Variants in MUCL3 observed in about 807,000 individuals in gnomAD.
MUCL3 encodes the protein mucin like 3.
Under a neutral mutation model 70.2 loss-of-function variants are expected in MUCL3, and 42 were observed. The observed-to-expected ratio is 0.60, with a 90% CI of 0.47 to 0.77. MUCL3 has a LOEUF of 0.77. Among genes scored for constraint, MUCL3 ranks in the 30% least tolerant of loss-of-function variants. The pLI is 0.00. For missense variants in MUCL3, 1,429 were observed against 1,670.0 expected, an observed-to-expected ratio of 0.86 and a Z score of 2.52; for synonymous variants, 522 against 647.0, an observed-to-expected ratio of 0.81 and a Z score of 2.93.
rs1760733804 is a variant in MUCL3, at chr6:30,952,038, G to C, written c.3574G>C (p.Glu1192Gln). 6.2e-7 allele frequency: 1 copy of C among 1,611,002 alleles called. No individual in the cohort carries two copies. Among genetic ancestry groups the C allele is most frequent in the African/African-American group, 1.3e-5 (1 of 74,236 alleles). The change falls in exon 2 of 3, where the codon GAG (glutamate) becomes CAG (glutamine). Residue 1192 changes from glutamate (E) to glutamine (Q), a missense_variant. Physicochemically the swap from Glu to Gln is conservative, Grantham distance 29. Transcript: ENST00000462446. ...CCCAGAAAAGCCTACGCTATACTCA[G>C]AGAAGACCATATGCACCAAAGGGAA... is the stretch of plus-strand genomic sequence containing the variant. ...RTPEKPTLYS[E>Q]KTICTKGKNT... is the part of the protein sequence containing the mutation.
chr6:30,946,578 C>T (rs1795790796), intron 1 of MUCL3, among the ~76,000 whole-genome samples: 1 of 152,222 alleles, frequency 6.6e-6, no homozygotes, highest in South Asian at 2.1e-4. Context: ...CCTTTCCCCA[C>T]CTGTAAAACA....
Position 30,951,887 on chromosome 6 carries a change from C to A in MUCL3, c.3423C>A (p.Ala1141=). 4 of 1,613,238 alleles carry A rather than the reference C, an allele frequency of 2.5e-6. No individual in the cohort carries two copies. Among genetic ancestry groups the A allele is most frequent in the Non-Finnish European group, 3.4e-6 (4 of 1,179,650 alleles). Reference sequence around the variant, plus strand: ...CATCAGCCAATGTGATCACACCAGCCCCAGCAGAGCCTATAAAACATGCAA... The same window carrying A: ...CATCAGCCAATGTGATCACACCAGCACCAGCAGAGCCTATAAAACATGCAA... The part of the protein sequence containing the change: ...RATSANVITP[A]PAEPIKHAKR... The change falls in exon 2 of 3, where the codon GCC becomes GCA. Residue 1141 remains alanine, a synonymous_variant. Coordinates refer to ENST00000462446, the MANE Select transcript of MUCL3 (RefSeq NM_080870.4).
Position 30,950,398 on chromosome 6 carries a change from G to A in MUCL3, c.1934G>A (p.Arg645Lys), listed in dbSNP as rs1240294787. ...TCCCCAGCAGGGCCTACAGAAAATA[G>A]AGAAATGACAGCCAACGAGAAGACC... ...TPSPAGPTEN[R>K]EMTANEKTTL... is the part of the protein sequence containing the mutation. The change falls in exon 2 of 3, where the codon AGA becomes AAA. Residue 645 changes from arginine (R) to lysine (K), a missense_variant. Coordinates refer to ENST00000462446, the MANE Select transcript of MUCL3 (RefSeq NM_080870.4). The A allele has an allele frequency of 6.5e-7, 1 of 1,549,936 alleles. No homozygotes were observed. Among genetic ancestry groups the A allele is most frequent in the Non-Finnish European group, 8.7e-7 (1 of 1,146,532 alleles).
chr6:30,943,860 T>TC (rs1437777783), intron 1 of MUCL3, among the ~76,000 whole-genome samples: 1 of 142,054 alleles, frequency 7.0e-6, no homozygotes, highest in East Asian at 2.2e-4. Context: ...TAGCTTTCCT[T>TC]TTTTTTTTTT....
chr6:30,952,429 C>T lies in MUCL3; in HGVS notation c.3965C>T (p.Ala1322Val). The change falls in exon 2 of 3, where the codon GCA becomes GTA. Residue 1322 changes from alanine to valine, a missense_variant. Ala to Val is a moderately conservative substitution (Grantham distance 64, BLOSUM62 0). Coordinates refer to ENST00000462446, the MANE Select transcript of MUCL3 (RefSeq NM_080870.4). ...GQMGENDSFP[A>V]WAIVIVVLVA... Reference sequence around the variant, plus strand: ...ATGGGAGAGAATGATTCATTCCCTGCATGGGCCATAGTTATTGTGGTCCTG... The same window carrying T: ...ATGGGAGAGAATGATTCATTCCCTGTATGGGCCATAGTTATTGTGGTCCTG... The T allele has an allele frequency of 6.2e-7, 1 of 1,613,858 alleles. No homozygotes were observed. The highest frequency in any genetic ancestry group is 1.3e-5 in the African/African-American group (1 of 75,018).
rs374902569 is a variant in MUCL3, at chr6:30,948,876, C to T, written c.412C>T (p.Arg138Cys). 17 of 1,551,446 alleles carry T rather than the reference C, an allele frequency of 1.1e-5. No individual in the cohort carries two copies. The highest frequency in any genetic ancestry group is 4.1e-5 in the African/African-American group (3 of 73,094). ...GAAAGACCCAATGATCCGGAACCAG[C>T]GCTCTGTTGATCCTGCTGACTCCAC... is the stretch of plus-strand genomic sequence containing the variant. ...QGKDPMIRNQRSVDPADSTTT... is the reference protein window; with the variant it reads ...QGKDPMIRNQCSVDPADSTTT... Residue 138 changes from arginine (R) to cysteine (C), a missense_variant, in exon 2 of 3, where the codon CGC becomes TGC. Transcript: ENST00000462446.
Position 30,950,560 on chromosome 6 carries a change from A to T in MUCL3, c.2096A>T (p.Glu699Val). 1 of 1,549,638 alleles carries T rather than the reference A, an allele frequency of 6.5e-7. No individual in the cohort carries two copies. Among genetic ancestry groups the T allele is most frequent in the South Asian group, 1.2e-5 (1 of 83,954 alleles). ...GAGAAAACCACATCATCCTCAGCAG[A>T]GCCTACAGAACACGGAGAAAGGACC... is the stretch of plus-strand genomic sequence containing the variant. ...ANEKTTSSSA[E>V]PTEHGERTPL... The change falls in exon 2 of 3, where the codon GAG becomes GTG. Residue 699 changes from glutamate (E) to valine (V), a missense_variant. Transcript: ENST00000462446.
At chr6:30,947,744 C>T (rs1056614434) in intron 1 of MUCL3, among the ~76,000 whole-genome samples, 3 of 151,568 alleles carry the variant, frequency 2.0e-5, no homozygotes, top group Non-Finnish European at 4.4e-5. Flanking sequence ...TCATCTATCC[C>T]CAGTTGGCTT....
At chr6:30,952,943 C>T in intron 2 of MUCL3, 28 bp from the exon 3 acceptor site, 4 of 1,612,070 alleles carry the variant, frequency 2.5e-6, no homozygotes, top group Non-Finnish European at 2.5e-6. Context: ...AGATGGTTCT[C>T]ATTCCTCCTT....
At chr6:30,942,903 G>A (rs1054590866) in intron 1 of MUCL3, among the ~76,000 whole-genome samples, 2 of 152,166 alleles carry the variant, frequency 1.3e-5, no homozygotes, top group East Asian at 3.8e-4. Context: ...GTGGCTGGGC[G>A]GCATGGAGGG....
At chr6:30,942,449 A>G (rs181366003) in intron 1 of MUCL3, among the ~76,000 whole-genome samples, 3 of 152,310 alleles carry the variant, frequency 2.0e-5, no homozygotes, top group South Asian at 2.1e-4. Flanking sequence ...AGAGCCATCC[A>G]CAGGGTGATA....
rs1027298874 is a variant in MUCL3 at position 30,950,844 on chromosome 6, A to G, written c.2380A>G (p.Thr794Ala). The change falls in exon 2 of 3, where the codon ACC (threonine) becomes GCC (alanine). Residue 794 changes from threonine (T) to alanine (A), a missense_variant. Coordinates refer to ENST00000462446, the MANE Select transcript of MUCL3 (RefSeq NM_080870.4). Reference protein sequence around the residue: ...GKRTPFANEKTTSSSAEPTEH... With the variant: ...GKRTPFANEKATSSSAEPTEH... ...AAGGACCCCATTTGCCAATGAGAAG[A>G]CCACATCATCCTCAGCAGAGCCTAC... 3.2e-6 allele frequency: 5 copies of G among 1,549,964 alleles called. No individual in the cohort carries two copies. The highest frequency in any genetic ancestry group is 1.4e-5 in the African/African-American group (1 of 72,240).
chr6:30,948,556 C>T lies in MUCL3; in HGVS notation c.92C>T (p.Thr31Ile), dbSNP rs543981699. ...LLASWGAGAT[T>I]FQEYQKTGEL... ...CTCTCTCCCTCCACAGGTGCTACTA[C>T]ATTCCAAGAATATCAGAAAACTGGG... The change falls in exon 2 of 3, where the codon ACA becomes ATA. Residue 31 changes from threonine (T) to isoleucine (I), a missense_variant. Thr to Ile is a moderately conservative substitution (Grantham distance 89). Transcript: ENST00000462446. 179 of 1,534,450 alleles carry T rather than the reference C, an allele frequency of 1.2e-4. No individual in the cohort carries two copies. The highest frequency in any genetic ancestry group is 1.5e-4 in the Admixed American group (7 of 46,700).
Position 30,950,877 on chromosome 6 carries a change from G to A in MUCL3, c.2413G>A (p.Ala805Thr), listed in dbSNP as rs370670795. The change falls in exon 2 of 3, where the codon GCA becomes ACA. Residue 805 changes from alanine (A) to threonine (T), a missense_variant. By Grantham distance (58) the Ala-to-Thr change is moderately conservative (BLOSUM62 0). Coordinates refer to ENST00000462446, the MANE Select transcript of MUCL3 (RefSeq NM_080870.4). ...TSSSAEPTEHAERTPLANENT... is the reference protein window; with the variant it reads ...TSSSAEPTEHTERTPLANENT... ...ATCCTCAGCAGAGCCTACAGAACAC[G>A]CAGAAAGGACTCCACTGGCCAATGA... 52 of 1,548,400 alleles carry A rather than the reference G, an allele frequency of 3.4e-5. 2 individuals carry two copies. Among genetic ancestry groups the A allele is most frequent in the African/African-American group, 2.1e-4 (15 of 71,576 alleles).
chr6:30,944,773 T>C (rs183418864), intron 1 of MUCL3, among the ~76,000 whole-genome samples: 1 of 152,386 alleles, frequency 6.6e-6, no homozygotes, highest in East Asian at 1.9e-4. Context: ...CTTTTCGGGC[T>C]ATGATGGTTG....
At chr6:30,952,523 G>T (rs770309840) in intron 2 of MUCL3, 24 bp downstream of exon 2, 1 of 1,561,012 alleles carries the variant, frequency 6.4e-7, no homozygotes. Flanking sequence ...GTGCCCCACA[G>T]AAATCAACCT....
At chr6:30,943,210 T>C (rs1258930715) in intron 1 of MUCL3, among the ~76,000 whole-genome samples, 1 of 152,202 alleles carries the variant, frequency 6.6e-6, no homozygotes, top group African/African-American at 2.4e-5. Flanking sequence ...AACTAGATCC[T>C]GGAACCCCAG....
At chr6:30,941,631 T>C (rs2243739) in intron 1 of MUCL3, among the ~76,000 whole-genome samples, 42,655 of 151,528 alleles carry the variant, frequency 0.28, 6,903 homozygotes, top group Middle Eastern at 0.37. Context: ...GGCTCATTTT[T>C]TTGTATTTTT....
chr6:30,944,981 A>C (rs1414538360), intron 1 of MUCL3, among the ~76,000 whole-genome samples: 4 of 152,234 alleles, frequency 2.6e-5, no homozygotes, highest in Non-Finnish European at 5.9e-5. Context: ...TTTGATGCAG[A>C]TCTAAAATTC....
Sources: allele counts gnomAD v4.1 joint callset (sites outside exome capture counted in the v4.1 genomes callset), GRCh38; gene constraint gnomAD v4.1.1; transcripts MANE v1.5; gene names NCBI Gene and HGNC (gene_info 2026-07-23, HGNC 2026-07-21).